The following UPP2 variants were observed in gnomAD, a reference collection of about 807,000 sequenced individuals.
UPP2 encodes UPase 2.
UPP2 carries 23 observed loss-of-function variants against 26.7 expected under a neutral mutation model. The observed-to-expected ratio is 0.86, with a 90% CI of 0.62 to 1.22. The LOEUF is 1.22. Ranked by LOEUF, UPP2 falls within the 50% of genes most tolerant of loss-of-function variation. The pLI is 0.00. For synonymous variants in UPP2, 127 were observed against 141.3 expected (o/e 0.90, Z 0.72); for missense variants, 387 against 396.7 (o/e 0.98, Z 0.21).
intron 2 of UPP2, among the ~76,000 whole-genome samples, chr2:158,010,029 GTATGT>G (rs1683551901): frequency 6.6e-6 from 1 of 152,214 alleles, no homozygotes. Context: ...CAGGAAACGA[GTATGT>G]TAATCAAATA....
chr2:158,019,415 G>A, intron 3 of UPP2, among the ~76,000 whole-genome samples: 1 of 152,154 alleles, frequency 6.6e-6, no homozygotes, highest in East Asian at 1.9e-4. Context: ...TTGTGGGTTG[G>A]GGTGGGGAAA....
chr2:158,126,678 G>C (rs933532354), intron 6 of UPP2: 1 of 152,150 alleles, frequency 6.6e-6, no homozygotes, highest in Non-Finnish European at 1.5e-5. Flanking sequence ...CATTTATAAC[G>C]CACTTTGTGT....
At chr2:158,087,400 C>T (rs1191840576) in intron 3 of UPP2, among the ~76,000 whole-genome samples, 1 of 152,146 alleles carries the variant, frequency 6.6e-6, no homozygotes, top group Non-Finnish European at 1.5e-5. Flanking sequence ...AGGTGAGTCT[C>T]TTGAAGACAG....
chr2:158,081,502 G>A (rs1425862845), intron 3 of UPP2, among the ~76,000 whole-genome samples: 1 of 152,164 alleles, frequency 6.6e-6, no homozygotes, highest in African/African-American at 2.4e-5. Context: ...GTCTACCAAA[G>A]AGATAGCTGC....
chr2:158,036,311 A>T (rs886527979), intron 3 of UPP2, among the ~76,000 whole-genome samples: 3 of 152,182 alleles, frequency 2.0e-5, no homozygotes, highest in Admixed American at 6.5e-5. Flanking sequence ...TTTCACTTGA[A>T]CCTGAAAAGC....
Position 158,051,214 on chromosome 2 carries a change from CTTTCA to C in UPP2, c.147+35335_147+35339del, listed in dbSNP as rs562202823. On this transcript the variant is annotated intron_variant, in intron 3 of 9. Transcript: ENST00000605860. ...GTGTGTGTGTATGTGTGTATAATATCTTTCATTTCATAACAACGCAGTCTGTCAAA... is the reference window on the plus strand; with the variant it reads ...GTGTGTGTGTATGTGTGTATAATATCTTTCATAACAACGCAGTCTGTCAAA... Among the ~76,000 whole-genome samples, 302 of 133,454 alleles carry C rather than the reference CTTTCA, an allele frequency of 2.3e-3. 2 individuals are homozygous for C. Among genetic ancestry groups the C allele is most frequent in the Non-Finnish European group, 3.1e-3 (192 of 61,614 alleles). 87.6% of individuals were successfully genotyped at this position (133,454 alleles called of 152,430 possible).
chr2:158,083,860 A>AT (rs1233601285), intron 3 of UPP2, among the ~76,000 whole-genome samples: 12 of 136,876 alleles, frequency 8.8e-5, no homozygotes, highest in African/African-American at 3.6e-4. Context: ...TTATATATAT[A>AT]TGTTTTTTAT....
At chr2:158,059,887 C>A (rs1031191804) in intron 3 of UPP2, among the ~76,000 whole-genome samples, 6 of 152,134 alleles carry the variant, frequency 3.9e-5, no homozygotes, top group Non-Finnish European at 8.8e-5. Context: ...TCTTCTTGGT[C>A]TTCACCACTC....
At chr2:158,026,647 G>A (rs1232663041) in intron 3 of UPP2, among the ~76,000 whole-genome samples, 1 of 152,144 alleles carries the variant, frequency 6.6e-6, no homozygotes, top group African/African-American at 2.4e-5. Context: ...GCTTCCCAAA[G>A]TTGGCCACAC....
rs1291698819 is a variant in UPP2, at chr2:158,056,392, T to G, written c.147+40506T>G. Among the ~76,000 whole-genome samples the G allele has an allele frequency of 2.6e-5, 4 of 152,176 alleles. No homozygotes were observed. The East Asian group carries it at 7.7e-4, about 29-fold the overall frequency. ...CAGTCTATAGTTGATTCAGATGTCT[T>G]TGTTTTGTTTATTTACTTTTTTCTG... On this transcript the variant is annotated intron_variant, in intron 3 of 9. Transcript: ENST00000605860.
intron 3 of UPP2, among the ~76,000 whole-genome samples, chr2:158,025,804 C>T (rs1487732525): frequency 6.6e-6 from 1 of 152,214 alleles, no homozygotes; most frequent in Non-Finnish European, 1.5e-5. Flanking sequence ...GGAAGACATC[C>T]TCTGACGCAT....
intron 4 of UPP2, among the ~76,000 whole-genome samples, chr2:158,119,111 C>T (rs1398658003): frequency 1.3e-5 from 2 of 152,078 alleles, no homozygotes; most frequent in Admixed American, 6.5e-5. Context: ...TTTCAGATAA[C>T]ATAGCTATTA....
intron 3 of UPP2, among the ~76,000 whole-genome samples, chr2:158,092,161 G>T (rs1218630457): frequency 1.3e-5 from 2 of 152,144 alleles, no homozygotes; most frequent in Admixed American, 6.5e-5. Context: ...ACATCTAAGA[G>T]GGGTGCCAGA....
At chr2:158,042,668 T>C (rs1419696495) in intron 3 of UPP2, among the ~76,000 whole-genome samples, 1 of 152,126 alleles carries the variant, frequency 6.6e-6, no homozygotes, top group East Asian at 1.9e-4. Context: ...CACTCTAAGA[T>C]ATTGGGGAGA....
At chr2:158,078,197 G>T (rs1682661279) in intron 3 of UPP2, among the ~76,000 whole-genome samples, 1 of 152,154 alleles carries the variant, frequency 6.6e-6, no homozygotes, top group Non-Finnish European at 1.5e-5. Flanking sequence ...ATGTAAAGTA[G>T]TACGACCACT....
intron 6 of UPP2, among the ~76,000 whole-genome samples, chr2:158,133,226 A>T (rs1191019787): frequency 1.3e-5 from 2 of 152,244 alleles, no homozygotes; most frequent in East Asian, 3.8e-4. Flanking sequence ...AACAACATGG[A>T]TGAATTTGGA....
At chr2:158,090,925 T>C (rs1335646875) in intron 3 of UPP2, among the ~76,000 whole-genome samples, 2 of 152,140 alleles carry the variant, frequency 1.3e-5, no homozygotes, top group African/African-American at 4.8e-5. Flanking sequence ...ACCTGAAACT[T>C]CTACATTAAG....
chr2:158,124,996 A>G (rs1330750630), intron 6 of UPP2, among the ~76,000 whole-genome samples: 1 of 152,164 alleles, frequency 6.6e-6, no homozygotes, highest in East Asian at 1.9e-4. Context: ...GGGTAAGATA[A>G]CAAACAATGA....
intron 3 of UPP2, among the ~76,000 whole-genome samples, chr2:158,046,695 C>T (rs762685993): frequency 2.6e-5 from 4 of 152,116 alleles, no homozygotes; most frequent in Non-Finnish European, 4.4e-5. Context: ...CCCTTTAAAC[C>T]TCTCCACTTA....
Sources: gnomAD v4.1 joint callset for allele counts (sites outside exome capture counted in the v4.1 genomes callset) on GRCh38, gnomAD v4.1.1 for gene constraint, MANE v1.5 for transcripts, NCBI Gene and HGNC (gene_info 2026-07-23, HGNC 2026-07-21) for gene names.